Variants in WNK3 observed in about 807,000 individuals in gnomAD.
WNK3 encodes the protein WNK lysine deficient protein kinase 3.
Under a neutral mutation model 116.7 loss-of-function variants are expected in WNK3, and 18 were observed. The observed-to-expected ratio is 0.15, with a 90% confidence interval of 0.11 to 0.23. The LOEUF (loss-of-function observed/expected upper bound fraction) is 0.23, where lower values mean the gene tolerates loss of function less well. Among genes scored for constraint, WNK3 ranks in the 10% least tolerant of loss-of-function variants. WNK3 has a pLI of 1.00. For synonymous variants in WNK3, 404 were observed against 469.4 expected, an observed-to-expected ratio of 0.86 and a Z score of 1.80; for missense variants, 993 against 1,323.8, an observed-to-expected ratio of 0.75 and a Z score of 3.88.
At chrX:54,198,240 C>T in exon 24 of WNK3, 1 of 870,374 alleles carries the variant, frequency 1.1e-6, no homozygotes, top group Non-Finnish European at 1.5e-6. Flanking sequence ...TATGACAGAA[C>T]CCAAGAGGAA....
intron 22 of WNK3, among the ~76,000 whole-genome samples, chrX:54,210,517 C>A (rs1484979954): frequency 9.0e-6 from 1 of 111,236 alleles, no homozygotes; most frequent in Non-Finnish European, 1.9e-5. Context: ...GTCCTGGCTA[C>A]TTGGGAGGCT....
chrX:54,272,203 G>A lies in WNK3; in HGVS notation c.2038-12865C>T, dbSNP rs1440482604. On this transcript the variant is annotated intron_variant, in intron 10 of 23. Coordinates refer to ENST00000354646, the Ensembl canonical transcript of WNK3. ...TTTACACAAATATTTCCATGTAATG[G>A]AATTAACTACTTTATAGAGGAAGCT... Among the ~76,000 whole-genome samples the A allele has an allele frequency of 2.7e-5, 3 of 111,961 alleles. No homozygotes were observed. In the South Asian group the frequency reaches 1.1e-3, roughly 41 times the overall value.
intron 12 of WNK3, among the ~76,000 whole-genome samples, chrX:54,254,564 G>A (rs1428352449): frequency 1.8e-5 from 2 of 111,289 alleles, no homozygotes; most frequent in African/African-American, 6.5e-5. Flanking sequence ...GATCTAATAA[G>A]GAAATAATCA....
At chrX:54,211,739 C>T (rs1309723203) in intron 22 of WNK3, among the ~76,000 whole-genome samples, 3 of 109,358 alleles carry the variant, frequency 2.7e-5, no homozygotes, top group African/African-American at 1.0e-4. Context: ...GCCCGGGAGG[C>T]GGAGGTAGCA....
chrX:54,337,655 C>T (rs1442979921), intron 1 of WNK3, among the ~76,000 whole-genome samples: 1 of 109,536 alleles, frequency 9.1e-6, no homozygotes, highest in African/African-American at 3.3e-5. Flanking sequence ...ACTCAGGAGG[C>T]TGAGGCACAA....
chrX:54,230,101 A>G (rs1336826397), intron 21 of WNK3, among the ~76,000 whole-genome samples: 2 of 111,604 alleles, frequency 1.8e-5, no homozygotes, highest in African/African-American at 6.5e-5. Context: ...CTTGAATAAT[A>G]TATTTCTAAA....
At chrX:54,323,245 G>A (rs1457879092) in intron 2 of WNK3, among the ~76,000 whole-genome samples, 2 of 111,346 alleles carry the variant, frequency 1.8e-5, no homozygotes, top group Non-Finnish European at 3.8e-5. Context: ...ATGCACTGAG[G>A]ATGGTGCATC....
chrX:54,316,063 C>T (rs782184824), intron 2 of WNK3, among the ~76,000 whole-genome samples: 1 of 111,272 alleles, frequency 9.0e-6, no homozygotes, highest in Non-Finnish European at 1.9e-5. Context: ...TTTGAGGGGG[C>T]ATAACTATAC....
rs781996597 is a variant in WNK3, at chrX:54,222,089, G to A, written c.4870+6625C>T. Among the ~76,000 whole-genome samples, 3 of 110,686 alleles carry A rather than the reference G, an allele frequency of 2.7e-5. No homozygotes were observed. The South Asian group carries it at 1.2e-3, about 43-fold the overall frequency. On this transcript the variant is annotated intron_variant, in intron 22 of 23. Coordinates refer to ENST00000354646, the Ensembl canonical transcript of WNK3. ...GGAGAATCGCTTGAACCTGGGAGGC[G>A]GAGGTTGCAGTGAGCCAAGGTCGCA...
chrX:54,336,057 A>G (rs1569539220), intron 1 of WNK3, among the ~76,000 whole-genome samples: 1 of 112,254 alleles, frequency 8.9e-6, no homozygotes, highest in African/African-American at 3.2e-5. Context: ...TGGGAGGCCA[A>G]GGTGGGTGGA....
At chrX:54,317,521 T>C (rs1022072016) in intron 2 of WNK3, among the ~76,000 whole-genome samples, 4 of 111,035 alleles carry the variant, frequency 3.6e-5, no homozygotes, top group Non-Finnish European at 7.5e-5. Flanking sequence ...AAGACAAACA[T>C]TGCTTGATTC....
rs56172743 is a variant in WNK3, at chrX:54,337,557, CAAATAAAT to C, written c.-119-3773_-119-3766del. On this transcript the variant is annotated intron_variant, in intron 1 of 23. Transcript: ENST00000354646. ...CTGGGCGACAGAGCGAGACTAGTCT[CAAATAAAT>C]AAATAAATAAATAAATAAATAAATA... is the stretch of plus-strand genomic sequence containing the variant. Among the ~76,000 whole-genome samples, 29 of 73,874 alleles carry C rather than the reference CAAATAAAT, an allele frequency of 3.9e-4. 1 individual carries two copies. The highest frequency in any genetic ancestry group is 8.7e-4 in the East Asian group (2 of 2,296). The allele number at this position is 73,874 out of a possible 115,157, so 64.2% of individuals were successfully genotyped here.
At chrX:54,257,077 G>A (rs972223630) in intron 11 of WNK3, among the ~76,000 whole-genome samples, 1 of 111,497 alleles carries the variant, frequency 9.0e-6, no homozygotes, top group Non-Finnish European at 1.9e-5. Flanking sequence ...GGGACCCCTA[G>A]GACTTGAGTA....
intron 22 of WNK3, among the ~76,000 whole-genome samples, chrX:54,216,301 A>AT (rs2067694863): frequency 9.4e-6 from 1 of 106,008 alleles, no homozygotes; most frequent in Non-Finnish European, 1.9e-5. Flanking sequence ...AAATATATAT[A>AT]TATATATATA....
chrX:54,282,313 G>A (rs868915724), intron 10 of WNK3, among the ~76,000 whole-genome samples: 2 of 110,488 alleles, frequency 1.8e-5, no homozygotes, highest in Non-Finnish European at 3.8e-5. Flanking sequence ...CCAAAGTATT[G>A]GGATCACAGG....
chrX:54,263,012 T>G (rs782598211), intron 10 of WNK3, among the ~76,000 whole-genome samples: 5 of 110,129 alleles, frequency 4.5e-5, no homozygotes, highest in African/African-American at 1.6e-4. Flanking sequence ...CTTGGTTATA[T>G]TCTTGAGGCT....
chrX:54,282,998 G>A (rs1329290711), intron 10 of WNK3, among the ~76,000 whole-genome samples: 1 of 112,008 alleles, frequency 8.9e-6, no homozygotes, highest in Non-Finnish European at 1.9e-5. Flanking sequence ...AAAAAATTAT[G>A]CCACAAAGGA....
chrX:54,280,916 T>C (rs1174034733), intron 10 of WNK3, among the ~76,000 whole-genome samples: 1 of 110,582 alleles, frequency 9.0e-6, no homozygotes. Context: ...CCTGCACACA[T>C]ACTCCCTGAT....
chrX:54,355,812 T>C (rs1380747423), intron 1 of WNK3, among the ~76,000 whole-genome samples: 1 of 111,717 alleles, frequency 9.0e-6, no homozygotes, highest in Admixed American at 9.7e-5. Context: ...AAACATCTAG[T>C]TCAAAACTGG....
Sources: allele counts gnomAD v4.1 joint callset (sites outside exome capture counted in the v4.1 genomes callset), GRCh38; gene constraint gnomAD v4.1.1; transcripts MANE v1.5; gene names NCBI Gene and HGNC (gene_info 2026-07-23, HGNC 2026-07-21).